The following PBX1 variants were observed in gnomAD, a reference collection of about 807,000 sequenced individuals.
PBX1 encodes the protein pre-B-cell leukemia transcription factor 1.
Under a neutral mutation model 53.4 loss-of-function variants are expected in PBX1, and 6 were observed. The ratio of observed to expected loss-of-function variants is 0.11; its 90% CI spans 0.06 to 0.22. The LOEUF is 0.22. Among genes scored for constraint, PBX1 ranks in the 10% least tolerant of loss-of-function variants. PBX1 has a pLI of 1.00. For synonymous variants in PBX1, 204 were observed against 212.3 expected (o/e 0.96, Z 0.34); for missense variants, 251 against 551.4 (o/e 0.46, Z 5.46).
chr1:164,834,078 GC>G (rs1670909169), intron 8 of PBX1, among the ~76,000 whole-genome samples: 1 of 88,366 alleles, frequency 1.1e-5, no homozygotes, highest in Non-Finnish European at 2.6e-5. Context: ...TGTATTCAGA[GC>G]TCAGATATCT....
At chr1:164,809,784 C>T (rs760414059) in intron 5 of PBX1, among the ~76,000 whole-genome samples, 9 of 152,040 alleles carry the variant, frequency 5.9e-5, no homozygotes, top group Admixed American at 2.0e-4. Flanking sequence ...ATCTGAAATC[C>T]GCCTATTGAC....
At chr1:164,656,846 T>C (rs1660197683) in intron 2 of PBX1, among the ~76,000 whole-genome samples, 1 of 152,018 alleles carries the variant, frequency 6.6e-6, no homozygotes, top group Admixed American at 6.6e-5. Flanking sequence ...ATTACATATA[T>C]TATATTATCA....
intron 2 of PBX1, among the ~76,000 whole-genome samples, chr1:164,660,763 A>AT (rs1209810832): frequency 2.6e-5 from 4 of 152,188 alleles, no homozygotes; most frequent in Non-Finnish European, 4.4e-5. Flanking sequence ...ACATAGGATG[A>AT]TTTTTTTTAA....
intron 2 of PBX1, among the ~76,000 whole-genome samples, chr1:164,635,631 A>G (rs1361793322): frequency 3.9e-5 from 6 of 152,200 alleles, no homozygotes; most frequent in Admixed American, 2.0e-4. Context: ...CAGCCTCGCC[A>G]TATATCACCC....
chr1:164,845,412 C>T (rs1348442551), intron 8 of PBX1, among the ~76,000 whole-genome samples: 1 of 152,018 alleles, frequency 6.6e-6, no homozygotes, highest in Non-Finnish European at 1.5e-5. Flanking sequence ...CCCCATCTCC[C>T]CCAAATTTTT....
intron 2 of PBX1, among the ~76,000 whole-genome samples, chr1:164,859,033 C>T (rs1672037400): frequency 6.6e-6 from 1 of 152,230 alleles, no homozygotes; most frequent in Non-Finnish European, 1.5e-5. Context: ...GTCTGCCAGA[C>T]TGACCTAACC....
At chr1:164,638,392 G>A (rs1658915471) in intron 2 of PBX1, among the ~76,000 whole-genome samples, 1 of 152,214 alleles carries the variant, frequency 6.6e-6, no homozygotes, top group Admixed American at 6.5e-5. Context: ...GGCTGAGCAG[G>A]GATTCTTACA....
intron 2 of PBX1, among the ~76,000 whole-genome samples, chr1:164,740,387 T>G (rs1488177165): frequency 6.6e-6 from 1 of 151,956 alleles, no homozygotes. Context: ...ATGAAAAGAC[T>G]CAGTTCTGTC....
intron 2 of PBX1, among the ~76,000 whole-genome samples, chr1:164,761,633 CG>C (rs1557991579): frequency 6.6e-6 from 1 of 152,018 alleles, no homozygotes; most frequent in African/African-American, 2.4e-5. Context: ...TTAGTAGAGA[CG>C]GGGTTTCACC....
chr1:164,595,883 C>G (rs1655721061), intron 2 of PBX1, among the ~76,000 whole-genome samples: 1 of 152,152 alleles, frequency 6.6e-6, no homozygotes. Flanking sequence ...TAGGGAAATA[C>G]AGCTGACAAA....
intron 2 of PBX1, among the ~76,000 whole-genome samples, chr1:164,871,531 C>G (rs1385862002): frequency 6.6e-6 from 1 of 152,194 alleles, no homozygotes; most frequent in Non-Finnish European, 1.5e-5. Context: ...TTCATGGCAC[C>G]TCACTTTAGG....
At position 164,700,768 on chromosome 1, in the gene PBX1, G is replaced by A. The variant is rs907026619; in HGVS notation, c.266-91726G>A. ...TCAGTGAACAAGGTGCTTTTCCCTT[G>A]TGTTGGGTTTCTATGACTTTTTTCA... On this transcript the variant is annotated intron_variant, in intron 2 of 8. Coordinates refer to ENST00000420696, the MANE Select transcript of PBX1 (RefSeq NM_002585.4). The A allele has an allele frequency of 2.8e-5, 27 of 979,920 alleles. No homozygotes were observed. In the East Asian group the frequency reaches 2.0e-3, roughly 73 times the overall value. 60.7% of individuals were successfully genotyped at this position (979,920 alleles called of 1,614,324 possible). A position where few individuals can be genotyped will look rare whatever the true frequency, so the allele number is the denominator to read the frequency against.
At chr1:164,874,984 A>G (rs1672470744) in intron 2 of PBX1, among the ~76,000 whole-genome samples, 2 of 152,206 alleles carry the variant, frequency 1.3e-5, no homozygotes, top group South Asian at 4.1e-4. Context: ...CTAAAGACGT[A>G]CAATCATATG....
rs146539598 is a variant in PBX1 at position 164,717,121 on chromosome 1, G to T, written c.266-75373G>T. On this transcript the variant is annotated intron_variant, in intron 2 of 8. Transcript: ENST00000420696. ...TTATAGCCATTTTCTCTGCATCTCA[G>T]TTTTTGTACGGGTAAAATAAAGGAA... Among the ~76,000 whole-genome samples the T allele has an allele frequency of 1.6e-3, 239 of 152,270 alleles. 1 individual carries two copies. Among genetic ancestry groups the T allele is most frequent in the African/African-American group, 5.4e-3 (226 of 41,550 alleles).
At chr1:164,679,076 T>C (rs1661598850) in intron 2 of PBX1, among the ~76,000 whole-genome samples, 1 of 152,176 alleles carries the variant, frequency 6.6e-6, no homozygotes, top group Admixed American at 6.5e-5. Flanking sequence ...TGCCAATAAA[T>C]ATAAAAACCA....
At chr1:164,635,903 TGTCTTG>T (rs1481842055) in intron 2 of PBX1, among the ~76,000 whole-genome samples, 1 of 152,234 alleles carries the variant, frequency 6.6e-6, no homozygotes, top group East Asian at 1.9e-4. Context: ...TCAGTAAAGA[TGTCTTG>T]GTGTACCTTA....
At chr1:164,628,718 C>T (rs1658209928) in intron 2 of PBX1, among the ~76,000 whole-genome samples, 1 of 151,292 alleles carries the variant, frequency 6.6e-6, no homozygotes, top group African/African-American at 2.4e-5. Flanking sequence ...ATATCTGTAT[C>T]TCTCTCTTTC....
chr1:164,837,940 A>T (rs901756065), intron 8 of PBX1, among the ~76,000 whole-genome samples: 1 of 152,226 alleles, frequency 6.6e-6, no homozygotes, highest in Admixed American at 6.5e-5. Context: ...CAGATCCCTT[A>T]TATGGCATTA....
chr1:164,754,015 G>C (rs1330166600), intron 2 of PBX1, among the ~76,000 whole-genome samples: 1 of 152,160 alleles, frequency 6.6e-6, no homozygotes. Flanking sequence ...GGAGCAGCGT[G>C]TTCCCTTGGC....
Sources: gnomAD v4.1 joint callset for allele counts (sites outside exome capture counted in the v4.1 genomes callset) on GRCh38, gnomAD v4.1.1 for gene constraint, MANE v1.5 for transcripts, NCBI Gene and HGNC (gene_info 2026-07-23, HGNC 2026-07-21) for gene names.